The following NRG1 variants were observed in gnomAD, a reference collection of about 807,000 sequenced individuals.
NRG1 encodes the protein pro-neuregulin-1, membrane-bound isoform.
A neutral mutation model predicts 63.8 loss-of-function variants in NRG1; 18 were observed. The ratio of observed to expected loss-of-function variants is 0.28; its 90% CI spans 0.19 to 0.42. The LOEUF (loss-of-function observed/expected upper bound fraction) is 0.42. Among genes scored for constraint, NRG1 ranks in the 10% least tolerant of loss-of-function variants. NRG1 has a pLI of 1.00. For missense variants in NRG1, 762 were observed against 814.7 expected (o/e 0.94, Z 0.79); for synonymous variants, 302 against 301.3 (o/e 1.00, Z -0.02).
At chr8:31,893,926 T>C (rs558039104) in intron 1 of NRG1, among the ~76,000 whole-genome samples, 1 of 152,244 alleles carries the variant, frequency 6.6e-6, no homozygotes, top group South Asian at 2.1e-4. Context: ...CTGGCTAATC[T>C]ACCTACCGAA....
At chr8:31,738,276 T>C (rs773147483) in intron 1 of NRG1, among the ~76,000 whole-genome samples, 108 of 151,998 alleles carry the variant, frequency 7.1e-4, no homozygotes, top group Non-Finnish European at 1.2e-3. Flanking sequence ...GAACAGGAGG[T>C]TGGTACTGTA....
intron 1 of NRG1, among the ~76,000 whole-genome samples, chr8:32,486,435 A>G (rs967661687): frequency 5.3e-5 from 8 of 152,310 alleles, no homozygotes; most frequent in African/African-American, 1.9e-4. Context: ...GTTAGGACAC[A>G]GGAATATTAA....
At chr8:31,977,270 G>C (rs985782698) in intron 1 of NRG1, among the ~76,000 whole-genome samples, 2 of 152,048 alleles carry the variant, frequency 1.3e-5, no homozygotes, top group Non-Finnish European at 2.9e-5. Flanking sequence ...TGAAACCCTT[G>C]ATTTCCAGGA....
intron 1 of NRG1, among the ~76,000 whole-genome samples, chr8:31,852,453 G>A (rs1248829464): frequency 2.6e-5 from 4 of 152,124 alleles, no homozygotes; most frequent in Non-Finnish European, 5.9e-5. Flanking sequence ...TCTTGATGGG[G>A]TTGTTTGTTT....
intron 1 of NRG1, among the ~76,000 whole-genome samples, chr8:32,010,272 C>T (rs78665519): frequency 0.02 from 3,008 of 152,062 alleles, 53 homozygotes; most frequent in Middle Eastern, 0.058. Flanking sequence ...TAAAAGAAAA[C>T]GAAGTAAACA....
chr8:32,077,926 A>G (rs557293379), intron 1 of NRG1, among the ~76,000 whole-genome samples: 64 of 152,308 alleles, frequency 4.2e-4, no homozygotes, highest in South Asian at 1.7e-3. Context: ...TCCATCAGAG[A>G]GACCAACAGG....
intron 1 of NRG1, among the ~76,000 whole-genome samples, chr8:32,350,227 G>C (rs555493388): frequency 6.6e-6 from 1 of 152,318 alleles, no homozygotes; most frequent in Admixed American, 6.5e-5. Context: ...TAAATTGTAA[G>C]AAAGCACCAG....
chr8:32,567,619 A>T (rs1837707179), intron 1 of NRG1, among the ~76,000 whole-genome samples: 1 of 152,178 alleles, frequency 6.6e-6, no homozygotes, highest in Admixed American at 6.5e-5. Flanking sequence ...CTTGTCTGGG[A>T]CGTAAAAACT....
intron 1 of NRG1, among the ~76,000 whole-genome samples, chr8:31,730,664 T>C (rs1435374344): frequency 6.6e-6 from 1 of 152,122 alleles, no homozygotes; most frequent in African/African-American, 2.4e-5. Flanking sequence ...GAAGAATATA[T>C]GGAGCATTTT....
At chr8:32,226,155 T>C (rs1206094096) in intron 1 of NRG1, among the ~76,000 whole-genome samples, 1 of 152,152 alleles carries the variant, frequency 6.6e-6, no homozygotes, top group Non-Finnish European at 1.5e-5. Flanking sequence ...AAATGGAACA[T>C]TTGACTTTAT....
chr8:32,169,465 C>G (rs888028504), intron 1 of NRG1, among the ~76,000 whole-genome samples: 1 of 152,148 alleles, frequency 6.6e-6, no homozygotes, highest in Non-Finnish European at 1.5e-5. Flanking sequence ...AAAATAAGTT[C>G]TCATATTACT....
chr8:32,122,442 A>C (rs546441352), intron 1 of NRG1, among the ~76,000 whole-genome samples: 2 of 152,086 alleles, frequency 1.3e-5, no homozygotes, highest in African/African-American at 2.4e-5. Context: ...TAGTCTCCCC[A>C]ATATATTCAC....
intron 1 of NRG1, 63 bp from the exon 2 acceptor site, chr8:32,595,765 T>A: frequency 6.7e-7 from 1 of 1,484,250 alleles, no homozygotes; most frequent in Admixed American, 2.0e-5. Context: ...CCAGATTAAA[T>A]GTTTCTCTTT....
intron 1 of NRG1, among the ~76,000 whole-genome samples, chr8:32,319,547 A>G (rs1801137327): frequency 6.6e-6 from 1 of 152,296 alleles, no homozygotes; most frequent in African/African-American, 2.4e-5. Flanking sequence ...GGGCACTAAC[A>G]AAAGATAATG....
intron 1 of NRG1, among the ~76,000 whole-genome samples, chr8:32,049,657 T>C (rs1482218078): frequency 6.6e-6 from 1 of 152,182 alleles, no homozygotes; most frequent in East Asian, 1.9e-4. Context: ...TATTGTTTTC[T>C]TTAAAAGGAA....
intron 5 of NRG1, chr8:32,648,243 A>C: frequency 6.2e-7 from 1 of 1,613,998 alleles, no homozygotes; most frequent in Non-Finnish European, 8.5e-7. Context: ...GACACCGAAG[A>C]ATCGTATTTT....
Position 32,333,066 on chromosome 8 carries a change from C to A in NRG1, c.38-262762C>A, listed in dbSNP as rs566110403. 6.6e-5 allele frequency among the ~76,000 whole-genome samples: 10 copies of A among 152,270 alleles called. No homozygotes were observed. In the South Asian group the frequency reaches 2.1e-3, roughly 32 times the overall value. On this transcript the variant is annotated intron_variant, in intron 1 of 10. Coordinates refer to the NRG1 transcript ENST00000519301. ...ACAGTAATTAAATGGGACAATATAA[C>A]CATTTTTTTAAAGAAGGATGGACAT...
intron 1 of NRG1, among the ~76,000 whole-genome samples, chr8:31,669,305 T>TTGGC (rs1459573458): frequency 6.6e-6 from 1 of 151,806 alleles, no homozygotes; most frequent in African/African-American, 2.4e-5. Context: ...TGGAGCAATC[T>TTGGC]TGGCTCACTG....
chr8:31,971,736 A>T (rs1807317949), intron 1 of NRG1, among the ~76,000 whole-genome samples: 2 of 152,168 alleles, frequency 1.3e-5, no homozygotes, highest in African/African-American at 4.8e-5. Flanking sequence ...AAAACCTTGA[A>T]GACAATTTTA....
Sources: allele counts gnomAD v4.1 joint callset (sites outside exome capture counted in the v4.1 genomes callset), GRCh38; gene constraint gnomAD v4.1.1; transcripts MANE v1.5; gene names NCBI Gene and HGNC (gene_info 2026-07-23, HGNC 2026-07-21).